The following FABP7 variants were observed in gnomAD, a reference collection of about 807,000 sequenced individuals.
FABP7 encodes fatty acid-binding protein, brain.
FABP7 carries 13 observed loss-of-function variants against 14.2 expected under a neutral mutation model. That is an observed-to-expected ratio of 0.91 (90% confidence interval 0.59 to 1.45). The LOEUF is 1.45. FABP7 is among the 40% of genes most tolerant of loss of function. The pLI is 0.00. For missense variants in FABP7, 149 were observed against 157.6 expected (o/e 0.95, Z 0.29); for synonymous variants, 49 against 51.4 (o/e 0.95, Z 0.20).
the FABP7 span, among the ~76,000 whole-genome samples, chr6:122,767,570 T>C: frequency 1.3e-5 from 2 of 152,006 alleles, no homozygotes; most frequent in Non-Finnish European, 2.9e-5. Flanking sequence ...TCTTATGATA[T>C]ACAAAAATCT....
At chr6:122,772,128 A>G in the FABP7 span, among the ~76,000 whole-genome samples, 9 of 152,222 alleles carry the variant, frequency 5.9e-5, no homozygotes, top group African/African-American at 1.2e-4. Context: ...CCTTGAGGAA[A>G]TATTAATTGA....
At chr6:122,762,577 G>A in the FABP7 span, among the ~76,000 whole-genome samples, 2 of 152,030 alleles carry the variant, frequency 1.3e-5, no homozygotes, top group East Asian at 3.9e-4. Flanking sequence ...AGGGTATTCA[G>A]TTAGGAAAAG....
chr6:122,779,270 C>T (rs1780722869), upstream of FABP7, among the ~76,000 whole-genome samples: 2 of 152,172 alleles, frequency 1.3e-5, no homozygotes, highest in Admixed American at 1.3e-4. Flanking sequence ...CAAAGTCTGG[C>T]ATTTCAGTGG....
In FABP7 at chr6:122,781,109, A is replaced by G; in HGVS notation, c.263A>G (p.Asp88Gly). Reference protein sequence around the residue: ...DRNCKSVVSLDGDKLVHIQKW... With the variant: ...DRNCKSVVSLGGDKLVHIQKW... Reference sequence around the variant, plus strand: ...TGGTCTCAGTCTGTTGTTAGCCTGGATGGAGACAAACTTGTTCACATACAG... The same window carrying G: ...TGGTCTCAGTCTGTTGTTAGCCTGGGTGGAGACAAACTTGTTCACATACAG... Residue 88 changes from aspartate (D) to glycine (G), a missense_variant, in exon 3 of 4, where the codon GAT becomes GGT. Physicochemically the swap from Asp to Gly is moderately conservative, Grantham distance 94. Coordinates refer to ENST00000368444, the MANE Select transcript of FABP7 (RefSeq NM_001446.5). 1 of 1,613,608 alleles carries G rather than the reference A, an allele frequency of 6.2e-7. No homozygotes were observed. Among genetic ancestry groups the G allele is most frequent in the Non-Finnish European group, 8.5e-7 (1 of 1,179,598 alleles).
chr6:122,752,350 T>C, the FABP7 span, among the ~76,000 whole-genome samples: 2 of 152,224 alleles, frequency 1.3e-5, no homozygotes, highest in African/African-American at 4.8e-5. Context: ...CCCTCAATCA[T>C]GCATGCATGC....
chr6:122,754,383 C>G, the FABP7 span, among the ~76,000 whole-genome samples: 1 of 152,164 alleles, frequency 6.6e-6, no homozygotes, highest in African/African-American at 2.4e-5. Flanking sequence ...TGCCTTCCTC[C>G]TCCCTATTTC....
the FABP7 span, among the ~76,000 whole-genome samples, chr6:122,770,340 A>G: frequency 6.6e-6 from 1 of 152,068 alleles, no homozygotes; most frequent in South Asian, 2.1e-4. Context: ...TAGGGTAGTT[A>G]TAGGTCATAT....
chr6:122,771,433 G>A, the FABP7 span, among the ~76,000 whole-genome samples: 17 of 152,156 alleles, frequency 1.1e-4, no homozygotes, highest in African/African-American at 4.1e-4. Flanking sequence ...ACAGTAATCA[G>A]CAGAGATCAG....
chr6:122,752,077 C>T, the FABP7 span, among the ~76,000 whole-genome samples: 2 of 152,026 alleles, frequency 1.3e-5, no homozygotes. Context: ...CACCCCTAAC[C>T]CCACCACCAT....
At chr6:122,770,337 G>T in the FABP7 span, among the ~76,000 whole-genome samples, 3 of 151,954 alleles carry the variant, frequency 2.0e-5, no homozygotes, top group African/African-American at 7.2e-5. Flanking sequence ...CTTTAGGGTA[G>T]TTATAGGTCA....
At chr6:122,764,118 G>A in the FABP7 span, among the ~76,000 whole-genome samples, 2 of 152,284 alleles carry the variant, frequency 1.3e-5, no homozygotes, top group South Asian at 2.1e-4. Flanking sequence ...ATTCACAATA[G>A]CGAAGACTTG....
upstream of FABP7, among the ~76,000 whole-genome samples, chr6:122,776,979 G>T (rs186598529): frequency 5.0e-4 from 76 of 152,258 alleles, no homozygotes; most frequent in African/African-American, 1.7e-3. Flanking sequence ...AAAGGAATCA[G>T]AATTAATGGA....
chr6:122,772,772 C>A, the FABP7 span, among the ~76,000 whole-genome samples: 1 of 152,124 alleles, frequency 6.6e-6, no homozygotes, highest in Non-Finnish European at 1.5e-5. Flanking sequence ...CACCAATAGA[C>A]AGATAATTCA....
chr6:122,769,416 T>A, the FABP7 span, among the ~76,000 whole-genome samples: 1 of 152,300 alleles, frequency 6.6e-6, no homozygotes, highest in South Asian at 2.1e-4. Context: ...AATTAAATCC[T>A]ATTGTAAGCT....
the FABP7 span, among the ~76,000 whole-genome samples, chr6:122,770,490 C>T: frequency 6.6e-6 from 1 of 152,020 alleles, no homozygotes; most frequent in Non-Finnish European, 1.5e-5. Flanking sequence ...CTACTTAGTA[C>T]TTAGCACTGA....
chr6:122,777,845 AAAAT>A (rs56666229), upstream of FABP7, among the ~76,000 whole-genome samples: 348 of 143,834 alleles, frequency 2.4e-3, 3 homozygotes, highest in African/African-American at 6.7e-3. Flanking sequence ...CCTTTCTCCA[AAAAT>A]AAATAAATAA....
chr6:122,772,325 T>C, the FABP7 span, among the ~76,000 whole-genome samples: 1 of 152,060 alleles, frequency 6.6e-6, no homozygotes, highest in Non-Finnish European at 1.5e-5. Context: ...AATGGAATAT[T>C]TAAATAATGG....
chr6:122,782,449 C>G lies in FABP7; in HGVS notation c.348+1255C>G, dbSNP rs113552859. On this transcript the variant is annotated intron_variant, in intron 3 of 3. Coordinates refer to ENST00000368444, the MANE Select transcript of FABP7 (RefSeq NM_001446.5). ...TGATCCATTTCTGACTCCATCTTTA[C>G]AAGACTTTTTCCTCTGTTTTTGTCC... 1.9e-4 allele frequency: 166 copies of G among 863,570 alleles called. No individual in the cohort carries two copies. In the African/African-American group the frequency reaches 2.8e-3, roughly 14 times the overall value. 53.5% of individuals were successfully genotyped at this position (863,570 alleles called of 1,614,324 possible).
chr6:122,783,289 A>G, intron 3 of FABP7: 1 of 985,340 alleles, frequency 1.0e-6, no homozygotes, highest in Non-Finnish European at 1.2e-6. Flanking sequence ...CATTCCAAAT[A>G]CCATCAGCTC....
Sources: allele counts gnomAD v4.1 joint callset (sites outside exome capture counted in the v4.1 genomes callset), GRCh38; gene constraint gnomAD v4.1.1; transcripts MANE v1.5; gene names NCBI Gene and HGNC (gene_info 2026-07-23, HGNC 2026-07-21).